The following ZBTB2 variants were observed in gnomAD, a reference collection of about 807,000 sequenced individuals.
ZBTB2 encodes zinc finger and BTB domain containing 2, also known as zinc finger and BTB domain-containing protein 2.
Under a neutral mutation model 39.5 loss-of-function variants are expected in ZBTB2, and 2 were observed. The observed-to-expected ratio is 0.05, with a 90% confidence interval of 0.02 to 0.16. The LOEUF (loss-of-function observed/expected upper bound fraction) is 0.16, where lower values mean the gene tolerates loss of function less well. Ranked by LOEUF, ZBTB2 falls within the 10% of genes least tolerant of loss-of-function variation. ZBTB2 has a pLI of 1.00. For missense variants in ZBTB2, 391 were observed against 653.0 expected, an observed-to-expected ratio of 0.60 and a Z score of 4.37; for synonymous variants, 251 against 256.6, an observed-to-expected ratio of 0.98 and a Z score of 0.21.
intron 2 of ZBTB2, among the ~76,000 whole-genome samples, chr6:151,369,661 G>A (rs751168117): frequency 5.9e-5 from 9 of 151,936 alleles, no homozygotes; most frequent in Non-Finnish European, 1.3e-4. Flanking sequence ...AGAAGCACAT[G>A]TGCACACATA....
chr6:151,366,274 A>T lies in ZBTB2; in HGVS notation c.792T>A (p.Thr264=). 6.2e-7 allele frequency: 1 copy of T among 1,613,966 alleles called. No individual in the cohort carries two copies. The highest frequency in any genetic ancestry group is 1.1e-5 in the South Asian group (1 of 91,070). ...YACHLCGRRF[T]LRSSLREHLQ... ...GGTGTTCACGTAAGCTGCTCCGGAGAGTGAAGCGCCGTCCACACAGGTGGC... is the reference window on the plus strand; with the variant it reads ...GGTGTTCACGTAAGCTGCTCCGGAGTGTGAAGCGCCGTCCACACAGGTGGC... Residue 264 remains threonine, a synonymous_variant, in exon 3 of 3, where the codon ACT becomes ACA. Coordinates refer to ENST00000325144, the MANE Select transcript of ZBTB2 (RefSeq NM_020861.3). The surrounding 1 kb of genome is among the most constrained non-coding windows in gnomAD (Gnocchi z 7.1).
At chr6:151,373,865 A>AAAAAAAAC (rs1562766557) in intron 1 of ZBTB2, among the ~76,000 whole-genome samples, 11 of 112,168 alleles carry the variant, frequency 9.8e-5, no homozygotes, top group Admixed American at 1.6e-4. Context: ...AAAAAAAAAA[A>AAAAAAAAC]AAAAAAAAAA....
At chr6:151,375,171 A>G (rs926366908) in intron 1 of ZBTB2, among the ~76,000 whole-genome samples, 4 of 152,078 alleles carry the variant, frequency 2.6e-5, no homozygotes, top group Non-Finnish European at 5.9e-5. Flanking sequence ...CTAATAAACG[A>G]GTTTGGCAAG....
At chr6:151,373,874 A>AAAAAAAAAAAAAAAG (rs1778844633) in intron 1 of ZBTB2, among the ~76,000 whole-genome samples, 1 of 142,682 alleles carries the variant, frequency 7.0e-6, no homozygotes, top group Non-Finnish European at 1.5e-5. Flanking sequence ...AAAAAAAAAA[A>AAAAAAAAAAAAAAAG]AAACCAGATG....
chr6:151,389,057 C>T (rs1779226366), intron 1 of ZBTB2, among the ~76,000 whole-genome samples: 1 of 152,178 alleles, frequency 6.6e-6, no homozygotes, highest in Non-Finnish European at 1.5e-5. Flanking sequence ...AAACAAACCA[C>T]AAGTTTATTA....
At chr6:151,372,920 C>A (rs946950539) in intron 2 of ZBTB2, among the ~76,000 whole-genome samples, 6 of 151,652 alleles carry the variant, frequency 4.0e-5, no homozygotes, top group Non-Finnish European at 8.8e-5. Flanking sequence ...TTTGGGAGGC[C>A]GAGGCGGGCA....
intron 1 of ZBTB2, among the ~76,000 whole-genome samples, chr6:151,389,837 C>G (rs1779244235): frequency 6.6e-6 from 1 of 152,172 alleles, no homozygotes; most frequent in African/African-American, 2.4e-5. Flanking sequence ...GCTCTGCTAC[C>G]CTCGCTTCTT....
chr6:151,376,946 T>A (rs189375031), intron 1 of ZBTB2, among the ~76,000 whole-genome samples: 2 of 152,198 alleles, frequency 1.3e-5, no homozygotes, highest in African/African-American at 4.8e-5. Flanking sequence ...ACAACTCAGA[T>A]GTCCTTCAAT....
intron 1 of ZBTB2, among the ~76,000 whole-genome samples, chr6:151,389,164 G>T (rs767284321): frequency 2.6e-5 from 4 of 152,098 alleles, no homozygotes; most frequent in Non-Finnish European, 5.9e-5. Flanking sequence ...GCTCACCCCT[G>T]TAATCCCAGC....
At chr6:151,377,243 A>G (rs1450140643) in intron 1 of ZBTB2, among the ~76,000 whole-genome samples, 1 of 152,120 alleles carries the variant, frequency 6.6e-6, no homozygotes, top group Non-Finnish European at 1.5e-5. Flanking sequence ...GCATGTCAAA[A>G]TCCCAGCTGT....
At chr6:151,388,432 G>C (rs907506543) in intron 1 of ZBTB2, among the ~76,000 whole-genome samples, 47 of 152,348 alleles carry the variant, frequency 3.1e-4, no homozygotes, top group African/African-American at 9.6e-4. Context: ...TATTTTGTAA[G>C]TCTCAAATTG....
intron 2 of ZBTB2, among the ~76,000 whole-genome samples, chr6:151,372,079 A>T (rs1279813065): frequency 6.6e-6 from 1 of 152,204 alleles, no homozygotes; most frequent in Non-Finnish European, 1.5e-5. Flanking sequence ...TTTCCAGCAG[A>T]GGCGAGATCT....
chr6:151,377,369 AT>A lies in ZBTB2; in HGVS notation c.-12-3721del, dbSNP rs754374133. Reference sequence around the variant, plus strand: ...TGTAATGCTCTCAAAATAAAGTTCAATTTTTTTTTTTTTTTTGAGACAGAGT... The same window carrying A: ...TGTAATGCTCTCAAAATAAAGTTCAATTTTTTTTTTTTTTTGAGACAGAGT... On this transcript the variant is annotated intron_variant, in intron 1 of 2. Coordinates refer to ENST00000325144, the MANE Select transcript of ZBTB2 (RefSeq NM_020861.3). Among the ~76,000 whole-genome samples, 690 of 138,666 alleles carry A rather than the reference AT, an allele frequency of 5.0e-3. 7 individuals are homozygous for A. Among genetic ancestry groups the A allele is most frequent in the African/African-American group, 0.01 (377 of 37,156 alleles). 91.0% of individuals were successfully genotyped at this position (138,666 alleles called of 152,430 possible).
intron 2 of ZBTB2, among the ~76,000 whole-genome samples, chr6:151,369,694 T>C (rs9478200): frequency 0.67 from 101,708 of 151,956 alleles, 34,414 homozygotes; most frequent in African/African-American, 0.72. Context: ...AGGTGGAGGC[T>C]GGGCGCAGTG....
chr6:151,366,136 A>T lies in ZBTB2; in HGVS notation c.930T>A (p.Pro310=), dbSNP rs758950468. The change falls in exon 3 of 3, where the codon CCT becomes CCA. Residue 310 remains proline, a synonymous_variant. Coordinates refer to ENST00000325144, the MANE Select transcript of ZBTB2 (RefSeq NM_020861.3). This position sits in a 1 kb window ranked among gnomAD's most constrained non-coding sequence, Gnocchi z 7.1. ...ADLGKDAMEV[P]EAGMISDSEL... ...CACTGTCACTTATCATCCCGGCTTC[A>T]GGCACTTCCATGGCATCTTTCCCGA... 1.2e-6 allele frequency: 2 copies of T among 1,614,170 alleles called. No homozygotes were observed. Among genetic ancestry groups the T allele is most frequent in the Admixed American group, 3.3e-5 (2 of 60,022 alleles).
At chr6:151,384,627 A>G (rs1779113116) in intron 1 of ZBTB2, among the ~76,000 whole-genome samples, 1 of 152,160 alleles carries the variant, frequency 6.6e-6, no homozygotes, top group South Asian at 2.1e-4. Context: ...GTGCCCTCCA[A>G]CAGGAGGGAA....
chr6:151,382,584 C>T (rs1779060033), intron 1 of ZBTB2, among the ~76,000 whole-genome samples: 1 of 146,370 alleles, frequency 6.8e-6, no homozygotes, highest in Non-Finnish European at 1.5e-5. Context: ...GAGTTTCGCT[C>T]TTGTTGCCCA....
At chr6:151,382,554 C>CTT (rs752839929) in intron 1 of ZBTB2, among the ~76,000 whole-genome samples, 1 of 124,982 alleles carries the variant, frequency 8.0e-6, no homozygotes, top group Non-Finnish European at 1.7e-5. Flanking sequence ...TGCGCCTGGT[C>CTT]TTTTTTTTTT....
At position 151,366,346 on chromosome 6, in the gene ZBTB2, C is replaced by G. The variant is rs1778649235; in HGVS notation, c.720G>C (p.Lys240Asn). The change falls in exon 3 of 3, where the codon AAG becomes AAC. Residue 240 changes from lysine (K) to asparagine (N), a missense_variant. Coordinates refer to ENST00000325144, the MANE Select transcript of ZBTB2 (RefSeq NM_020861.3). The surrounding 1 kb of genome is among the most constrained non-coding windows in gnomAD (Gnocchi z 7.1). The part of the protein sequence containing the change: ...QPASLTIAHV[K>N]PSIMKRNGSF... ...TCCCATTCCTCTTCATGATGCTTGG[C>G]TTGACGTGGGCTATTGTGAGGGACG... The G allele has an allele frequency of 1.2e-6, 2 of 1,614,008 alleles. No individual in the cohort carries two copies. Among genetic ancestry groups the G allele is most frequent in the Admixed American group, 3.3e-5 (2 of 59,998 alleles).
Sources: gnomAD v4.1 joint callset for allele counts (sites outside exome capture counted in the v4.1 genomes callset) on GRCh38, gnomAD v4.1.1 for gene constraint, Gnocchi (gnomAD v3.1) non-coding constraint, MANE v1.5 for transcripts, NCBI Gene and HGNC (gene_info 2026-07-23, HGNC 2026-07-21) for gene names.